Variants in LARS1 observed in about 807,000 individuals in gnomAD.
The protein encoded by LARS1 is leucyl-tRNA synthetase 1.
A neutral mutation model predicts 162.8 loss-of-function variants in LARS1; 100 were observed. The ratio of observed to expected loss-of-function variants is 0.61; its 90% CI spans 0.52 to 0.73. The LOEUF (loss-of-function observed/expected upper bound fraction) is 0.73, where lower values mean the gene tolerates loss of function less well. LARS1 is among the 30% of genes least tolerant of loss of function. The probability of loss-of-function intolerance (pLI) is 0.00; values close to 1 mark genes in which losing one functional copy is unlikely to be tolerated. For synonymous variants in LARS1, 457 were observed against 462.8 expected, an observed-to-expected ratio of 0.99 and a Z score of 0.16; for missense variants, 1,258 against 1,408.9, an observed-to-expected ratio of 0.89 and a Z score of 1.71.
intron 23 of LARS1, 86 bp downstream of exon 23, chr5:146,132,812 A>AAAAG (rs1175419355): frequency 9.7e-6 from 10 of 1,025,864 alleles, no homozygotes; most frequent in African/African-American, 1.6e-5. Context: ...ATTAAAAAAA[A>AAAAG]AAAAGAAAAG....
chr5:146,117,365 T>C (rs1432966403), intron 31 of LARS1, among the ~76,000 whole-genome samples: 6 of 152,268 alleles, frequency 3.9e-5, no homozygotes, highest in African/African-American at 1.2e-4. Context: ...ATCCCAGCAC[T>C]TTGGGAGGCC....
At chr5:146,165,883 G>A (rs1432425549) in intron 5 of LARS1, among the ~76,000 whole-genome samples, 1 of 152,214 alleles carries the variant, frequency 6.6e-6, no homozygotes, top group African/African-American at 2.4e-5. Flanking sequence ...GTTTCTCACT[G>A]TTGTAGTAAG....
chr5:146,144,832 T>C, intron 15 of LARS1, 123 bp from the exon 16 acceptor site: 2 of 811,516 alleles, frequency 2.5e-6, no homozygotes, highest in South Asian at 1.7e-5. Flanking sequence ...ATTTTCATTA[T>C]GTCTTGCCCG....
intron 6 of LARS1, among the ~76,000 whole-genome samples, chr5:146,161,424 T>C (rs1189466539): frequency 3.3e-5 from 5 of 152,130 alleles, no homozygotes; most frequent in African/African-American, 9.7e-5. Flanking sequence ...TTACTCATAA[T>C]AGAACTTTCA....
At chr5:146,132,851 G>A in intron 23 of LARS1, 47 bp downstream of exon 23, 2 of 1,446,576 alleles carry the variant, frequency 1.4e-6, no homozygotes, top group East Asian at 2.3e-5. Flanking sequence ...AAATGCACCA[G>A]GACTAAGTAA....
chr5:146,150,537 G>A (rs1753224337), intron 14 of LARS1, among the ~76,000 whole-genome samples: 2 of 148,544 alleles, frequency 1.3e-5, no homozygotes, highest in Admixed American at 7.0e-5. Flanking sequence ...TGAGGCAGGA[G>A]AACTGCTTGA....
chr5:146,129,906 C>G (rs1752204446), intron 25 of LARS1, 112 bp downstream of exon 25: 3 of 1,112,036 alleles, frequency 2.7e-6, no homozygotes, highest in Non-Finnish European at 3.9e-6. Flanking sequence ...CAGCATTACT[C>G]TTGAATTACT....
rs145395699 is a variant in LARS1, at chr5:146,161,503, C to T, written c.595-1017G>A. Among the ~76,000 whole-genome samples the T allele has an allele frequency of 2.2e-3, 330 of 152,118 alleles. 3 individuals are homozygous for T. The highest frequency in any genetic ancestry group is 7.7e-3 in the African/African-American group (321 of 41,484). On this transcript the variant is annotated intron_variant, in intron 6 of 31. Transcript: ENST00000394434. Reference sequence around the variant, plus strand: ...CAGCACTTTGGGAGGCCAAGGCAGGCGGATCACTTGAGGTCGGGAGTTCGA... The same window carrying T: ...CAGCACTTTGGGAGGCCAAGGCAGGTGGATCACTTGAGGTCGGGAGTTCGA...
intron 1 of LARS1, 128 bp downstream of exon 1, chr5:146,182,360 A>T: frequency 8.0e-7 from 1 of 1,249,950 alleles, no homozygotes; most frequent in East Asian, 2.3e-5. Flanking sequence ...AGTCTCTACG[A>T]AAGGCACGCC....
At chr5:146,128,174 T>C (rs1217782301) in intron 27 of LARS1, among the ~76,000 whole-genome samples, 1 of 152,126 alleles carries the variant, frequency 6.6e-6, no homozygotes, top group African/African-American at 2.4e-5. Context: ...CAGCCAAAAA[T>C]GTCTTCAAGC....
chr5:146,145,230 CAT>C (rs1752960836), intron 15 of LARS1, among the ~76,000 whole-genome samples: 1 of 151,940 alleles, frequency 6.6e-6, no homozygotes, highest in African/African-American at 2.4e-5. Context: ...ACTACAGGCA[CAT>C]GTCAACCCAC....
In LARS1 at chr5:146,143,856, G is replaced by A. The variant is rs568512332; in HGVS notation, c.1739-306C>T. 2.3e-4 allele frequency among the ~76,000 whole-genome samples: 35 copies of A among 152,196 alleles called. No individual in the cohort carries two copies. The South Asian group carries it at 5.4e-3, about 23-fold the overall frequency. ...TCTACTAAAAGTACAAAAAAAATTAGCCAGGCATGGTGGTGGGTGCCTGCA... is the reference window on the plus strand; with the variant it reads ...TCTACTAAAAGTACAAAAAAAATTAACCAGGCATGGTGGTGGGTGCCTGCA... On this transcript the variant is annotated intron_variant, in intron 18 of 31. Coordinates refer to ENST00000394434, the MANE Select transcript of LARS1 (RefSeq NM_020117.11).
chr5:146,124,930 C>T (rs548200992), intron 28 of LARS1, among the ~76,000 whole-genome samples: 8 of 151,836 alleles, frequency 5.3e-5, no homozygotes, highest in Admixed American at 3.3e-4. Context: ...ACCACTCAAA[C>T]GGTCTGATGC....
intron 18 of LARS1, 112 bp downstream of exon 18, chr5:146,144,155 T>TG (rs1227636401): frequency 5.3e-6 from 4 of 752,348 alleles, no homozygotes; most frequent in African/African-American, 1.8e-5. Flanking sequence ...GGAAACTTAC[T>TG]GCTTTCAATT....
Position 146,162,846 on chromosome 5 carries a change from G to A in LARS1, c.594+1464C>T, listed in dbSNP as rs190297213. ...CTGCTTCACCTTGCAGCAGAGTCTCGCTCTTGTTGCCCAGGCTGGGTTGCA... is the reference window on the plus strand; with the variant it reads ...CTGCTTCACCTTGCAGCAGAGTCTCACTCTTGTTGCCCAGGCTGGGTTGCA... On this transcript the variant is annotated intron_variant, in intron 6 of 31. Transcript: ENST00000394434. 1.2e-4 allele frequency among the ~76,000 whole-genome samples: 18 copies of A among 152,304 alleles called. No homozygotes were observed. The East Asian group carries it at 1.3e-3, about 11-fold the overall frequency.
At chr5:146,148,223 A>G (rs1394810579) in intron 15 of LARS1, among the ~76,000 whole-genome samples, 2 of 152,224 alleles carry the variant, frequency 1.3e-5, no homozygotes, top group African/African-American at 4.8e-5. Context: ...AGGAAACAGG[A>G]GATCCAGCTC....
Position 146,144,303 on chromosome 5 carries a change from G to A in LARS1, c.1702C>T (p.Leu568=), listed in dbSNP as rs767894278. The stretch of plus-strand genomic sequence containing the variant: ...GTTCTTGAGCAAGCATGTTCTTGTA[G>A]CCAACCTAAGGTGGCTTCAAAATTC... The part of the protein sequence containing the change: ...RRNFEATLGW[L]QEHACSRTYG... The change falls in exon 18 of 32, where the codon CTA becomes TTA. Residue 568 remains leucine (L), a synonymous_variant. Coordinates refer to ENST00000394434, the MANE Select transcript of LARS1 (RefSeq NM_020117.11). 31 of 1,613,094 alleles carry A rather than the reference G, an allele frequency of 1.9e-5. No homozygotes were observed. In the Admixed American group the frequency reaches 5.2e-4, roughly 27 times the overall value.
At chr5:146,164,581 T>C in intron 5 of LARS1, 110 bp from the exon 6 acceptor site, 2 of 1,041,128 alleles carry the variant, frequency 1.9e-6, no homozygotes, top group East Asian at 2.4e-5. Context: ...ATAATGCTGA[T>C]ACATCAGAAC....
At position 146,124,154 on chromosome 5, in the gene LARS1, A is replaced by T. The variant is rs561449410; in HGVS notation, c.2992-68T>A. On this transcript the variant is annotated intron_variant, in intron 28 of 31. Transcript: ENST00000394434. Reference sequence around the variant, plus strand: ...ATATGTTGGAAAACATACTTCCTCCAAAGTAATCATTCTTCTCTCAACTGA... The same window carrying T: ...ATATGTTGGAAAACATACTTCCTCCTAAGTAATCATTCTTCTCTCAACTGA... 4.3e-6 allele frequency: 4 copies of T among 938,196 alleles called. No homozygotes were observed. The African/African-American group carries it at 4.8e-5, about 11-fold the overall frequency. The allele number at this position is 938,196 out of a possible 1,614,324, so 58.1% of individuals were successfully genotyped here.
Sources: gnomAD v4.1 joint callset for allele counts (sites outside exome capture counted in the v4.1 genomes callset) on GRCh38, gnomAD v4.1.1 for gene constraint, MANE v1.5 for transcripts, NCBI Gene and HGNC (gene_info 2026-07-23, HGNC 2026-07-21) for gene names.